The following EFNA5 variants were observed in gnomAD, a reference collection of about 807,000 sequenced individuals.
The protein encoded by EFNA5 is ephrin-A5.
EFNA5 carries 5 observed loss-of-function variants against 22.9 expected under a neutral mutation model. The ratio of observed to expected loss-of-function variants is 0.22; its 90% CI spans 0.11 to 0.46. The LOEUF (loss-of-function observed/expected upper bound fraction) is 0.46. Ranked by LOEUF, EFNA5 falls within the 20% of genes least tolerant of loss-of-function variation. EFNA5 has a pLI of 0.99. For synonymous variants in EFNA5, 113 were observed against 112.2 expected (o/e 1.01, Z -0.04); for missense variants, 237 against 293.3 (o/e 0.81, Z 1.40).
chr5:107,590,438 G>A (rs574283648), intron 1 of EFNA5, among the ~76,000 whole-genome samples: 79 of 151,610 alleles, frequency 5.2e-4, no homozygotes, highest in Non-Finnish European at 6.0e-4. Flanking sequence ...CACCCAGGCT[G>A]GAGTGCCGTG....
chr5:107,628,256 G>A (rs1459748601), intron 1 of EFNA5, among the ~76,000 whole-genome samples: 1 of 152,138 alleles, frequency 6.6e-6, no homozygotes, highest in East Asian at 1.9e-4. Flanking sequence ...GTTATGTCAT[G>A]ATGCCTCTTA....
At chr5:107,388,578 A>G (rs1041494927) in intron 2 of EFNA5, 6 of 152,162 alleles carry the variant, frequency 3.9e-5, no homozygotes, top group Non-Finnish European at 5.9e-5. Context: ...AACTTTCCCT[A>G]TGGTTGAAAG....
intron 1 of EFNA5, among the ~76,000 whole-genome samples, chr5:107,491,478 C>T (rs1329750107): frequency 1.3e-5 from 2 of 151,938 alleles, no homozygotes; most frequent in African/African-American, 4.8e-5. Context: ...TGCCTGGCTA[C>T]TTTTTGTATT....
intron 2 of EFNA5, among the ~76,000 whole-genome samples, chr5:107,417,537 C>G (rs987814677): frequency 1.3e-5 from 2 of 152,140 alleles, no homozygotes; most frequent in Non-Finnish European, 2.9e-5. Context: ...AAAGGATACT[C>G]ATGAACTAAA....
At chr5:107,639,575 T>G (rs1750458234) in intron 1 of EFNA5, among the ~76,000 whole-genome samples, 1 of 152,348 alleles carries the variant, frequency 6.6e-6, no homozygotes, top group South Asian at 2.1e-4. Context: ...ATGTAATTTT[T>G]ATTTGTTTAT....
At chr5:107,396,170 A>C (rs1747918466) in intron 2 of EFNA5, among the ~76,000 whole-genome samples, 1 of 152,186 alleles carries the variant, frequency 6.6e-6, no homozygotes, top group Admixed American at 6.5e-5. Flanking sequence ...AACCCCTTTC[A>C]TTATTATTCT....
At chr5:107,538,671 A>T (rs998392247) in intron 1 of EFNA5, among the ~76,000 whole-genome samples, 1 of 152,228 alleles carries the variant, frequency 6.6e-6, no homozygotes, top group African/African-American at 2.4e-5. Flanking sequence ...AGGGTGGTGT[A>T]AGCCATTGGA....
intron 1 of EFNA5, among the ~76,000 whole-genome samples, chr5:107,474,577 G>T (rs534288161): frequency 1.3e-5 from 2 of 152,036 alleles, no homozygotes; most frequent in African/African-American, 4.8e-5. Flanking sequence ...TTTGCATTAC[G>T]AACGAGGAAT....
At chr5:107,564,537 T>A (rs2112480166) in intron 1 of EFNA5, among the ~76,000 whole-genome samples, 1 of 152,208 alleles carries the variant, frequency 6.6e-6, no homozygotes, top group South Asian at 2.1e-4. Context: ...ATAATACAGG[T>A]ACCCAACAAA....
chr5:107,662,267 A>G (rs1750979259), intron 1 of EFNA5, among the ~76,000 whole-genome samples: 1 of 152,160 alleles, frequency 6.6e-6, no homozygotes, highest in Admixed American at 6.5e-5. Flanking sequence ...TTTACACTAC[A>G]TCTACAACCA....
At chr5:107,557,491 G>A (rs919666776) in intron 1 of EFNA5, among the ~76,000 whole-genome samples, 14 of 152,206 alleles carry the variant, frequency 9.2e-5, no homozygotes, top group African/African-American at 2.9e-4. Context: ...CCGAGACTGC[G>A]GTGCCTGGGG....
chr5:107,406,596 T>C (rs189270333), intron 2 of EFNA5, among the ~76,000 whole-genome samples: 2 of 152,234 alleles, frequency 1.3e-5, no homozygotes, highest in East Asian at 1.9e-4. Context: ...TTTATATATA[T>C]ATATCACAAT....
At chr5:107,481,032 C>T (rs1360905124) in intron 1 of EFNA5, among the ~76,000 whole-genome samples, 1 of 152,198 alleles carries the variant, frequency 6.6e-6, no homozygotes, top group Non-Finnish European at 1.5e-5. Flanking sequence ...ATTTACTGAG[C>T]TCCTATTACA....
chr5:107,590,557 T>A (rs1385669869), intron 1 of EFNA5, among the ~76,000 whole-genome samples: 3 of 152,032 alleles, frequency 2.0e-5, no homozygotes, highest in Admixed American at 2.0e-4. Context: ...CTGAGCTATT[T>A]TTTTTTCTAT....
intron 1 of EFNA5, among the ~76,000 whole-genome samples, chr5:107,642,015 A>T (rs1463345463): frequency 2.6e-5 from 4 of 152,228 alleles, no homozygotes; most frequent in African/African-American, 4.8e-5. Context: ...CATGAGCTGG[A>T]TTAAGTGGAG....
chr5:107,533,044 C>T (rs934124191), intron 1 of EFNA5, among the ~76,000 whole-genome samples: 3 of 152,030 alleles, frequency 2.0e-5, no homozygotes, highest in East Asian at 1.9e-4. Flanking sequence ...TATTTATTGG[C>T]GTTGGAGAAG....
intron 1 of EFNA5, among the ~76,000 whole-genome samples, chr5:107,529,304 AG>A (rs1747762038): frequency 6.6e-6 from 1 of 152,158 alleles, no homozygotes; most frequent in Non-Finnish European, 1.5e-5. Context: ...GGTCCTGAGT[AG>A]TGAAGTCCCC....
At position 107,445,183 on chromosome 5, in the gene EFNA5, C is replaced by T. The variant is rs144919849; in HGVS notation, c.126-17674G>A. Among the ~76,000 whole-genome samples the T allele has an allele frequency of 4.4e-3, 671 of 152,064 alleles. 2 individuals carry two copies. The highest frequency in any genetic ancestry group is 0.012 in the East Asian group (64 of 5,136). The stretch of plus-strand genomic sequence containing the variant: ...GATTACAGGCATCCACCGTCACACT[C>T]GGCTAATTTTTATATTTTTAGTAGA... On this transcript the variant is annotated intron_variant, in intron 1 of 4. Transcript: ENST00000333274.
chr5:107,553,082 C>A (rs352610), intron 1 of EFNA5, among the ~76,000 whole-genome samples: 22,871 of 152,160 alleles, frequency 0.15, 1,902 homozygotes, highest in Middle Eastern at 0.23. Flanking sequence ...GTAATCCTAA[C>A]CACAAGGCAA....
Sources: allele counts gnomAD v4.1 joint callset (sites outside exome capture counted in the v4.1 genomes callset), GRCh38; gene constraint gnomAD v4.1.1; transcripts MANE v1.5; gene names NCBI Gene and HGNC (gene_info 2026-07-23, HGNC 2026-07-21).